The following CEP350 variants were observed in gnomAD, a reference collection of about 807,000 sequenced individuals.
CEP350 encodes centrosome-associated protein 350.
A neutral mutation model predicts 331.8 loss-of-function variants in CEP350; 126 were observed. The observed-to-expected ratio is 0.38, with a 90% CI of 0.33 to 0.44. CEP350 has a LOEUF of 0.44. Among genes scored for constraint, CEP350 ranks in the 20% least tolerant of loss-of-function variants. The pLI, the probability that CEP350 is intolerant of heterozygous loss-of-function variation, is 1.00. For synonymous variants in CEP350, 1,200 were observed against 1,259.5 expected, an observed-to-expected ratio of 0.95 and a Z score of 1.00; for missense variants, 3,406 against 3,634.6, an observed-to-expected ratio of 0.94 and a Z score of 1.62.
intron 14 of CEP350, among the ~76,000 whole-genome samples, chr1:180,028,634 T>A (rs1009363258): frequency 3.3e-5 from 5 of 151,914 alleles, no homozygotes; most frequent in African/African-American, 1.2e-4. Flanking sequence ...TGAAGCCCTG[T>A]CTTTAGAAAA....
intron 1 of CEP350, among the ~76,000 whole-genome samples, chr1:179,958,342 A>G (rs1174014499): frequency 1.3e-5 from 2 of 152,204 alleles, no homozygotes; most frequent in Non-Finnish European, 2.9e-5. Flanking sequence ...TTTATGTTAC[A>G]TAAATTTTAA....
intron 25 of CEP350, among the ~76,000 whole-genome samples, chr1:180,061,027 T>C (rs1658197860): frequency 6.6e-6 from 1 of 152,176 alleles, no homozygotes; most frequent in Non-Finnish European, 1.5e-5. Flanking sequence ...GGAGAAAATA[T>C]AACTGAATAT....
chr1:180,015,137 CAA>C lies in CEP350; in HGVS notation c.2052+633_2052+634del, dbSNP rs200898591. On this transcript the variant is annotated intron_variant, in intron 10 of 37. Transcript: ENST00000367607. Reference sequence around the variant, plus strand: ...AGAGGAAGAGTTGGTGTTGCTGTCTCAAGGGTGGCAGAGGCAAAAAGGTAGAG... The same window carrying C: ...AGAGGAAGAGTTGGTGTTGCTGTCTCGGGTGGCAGAGGCAAAAAGGTAGAG... 8.0e-3 allele frequency among the ~76,000 whole-genome samples: 1,220 copies of C among 152,110 alleles called. 52 individuals carry two copies. Among genetic ancestry groups the C allele is most frequent in the Admixed American group, 0.056 (848 of 15,274 alleles).
intron 1 of CEP350, among the ~76,000 whole-genome samples, chr1:179,961,083 G>C (rs1650572149): frequency 6.6e-6 from 1 of 152,020 alleles, no homozygotes; most frequent in African/African-American, 2.4e-5. Flanking sequence ...AAAAAGAATA[G>C]ATGTGTGTTA....
chr1:179,959,406 A>ACTGCCACTG (rs1650419706), intron 1 of CEP350, among the ~76,000 whole-genome samples: 1 of 152,158 alleles, frequency 6.6e-6, no homozygotes, highest in Non-Finnish European at 1.5e-5. Flanking sequence ...GTGAGCCAAG[A>ACTGCCACTG]CTGCCACTGC....
At chr1:179,988,315 T>A (rs555501749) in intron 3 of CEP350, among the ~76,000 whole-genome samples, 42 of 149,722 alleles carry the variant, frequency 2.8e-4, no homozygotes, top group Non-Finnish European at 4.9e-4. Flanking sequence ...AAAAAAAAAA[T>A]TTAAAACAGA....
At chr1:180,097,193 A>G (rs1424055988) in intron 36 of CEP350, among the ~76,000 whole-genome samples, 2 of 152,240 alleles carry the variant, frequency 1.3e-5, no homozygotes, top group Non-Finnish European at 2.9e-5. Flanking sequence ...TGTTTTTATA[A>G]ATAAAGTTTT....
intron 1 of CEP350, among the ~76,000 whole-genome samples, chr1:179,979,790 T>C (rs1652143336): frequency 6.6e-6 from 1 of 152,160 alleles, no homozygotes; most frequent in African/African-American, 2.4e-5. Context: ...CCCAGCACTA[T>C]TTATTGAAGA....
In CEP350 at chr1:180,075,124, T is replaced by C; in HGVS notation, c.5670T>C (p.Arg1890=). The C allele has an allele frequency of 3.7e-6, 6 of 1,613,554 alleles. No individual in the cohort carries two copies. The highest frequency in any genetic ancestry group is 5.1e-6 in the Non-Finnish European group (6 of 1,179,740). ...TAGATGCAGAAGAAGCAGAAATTCGTCAAATGGAAAAACAAGCTTTGGCTG... is the reference window on the plus strand; with the variant it reads ...TAGATGCAGAAGAAGCAGAAATTCGCCAAATGGAAAAACAAGCTTTGGCTG... ...RRLDAEEAEI[R]QMEKQALAAW... The change falls in exon 28 of 38, where the codon CGT becomes CGC. Residue 1890 remains arginine (R), a synonymous_variant. Transcript: ENST00000367607.
At chr1:179,993,966 G>T (rs1455655864) in intron 5 of CEP350, among the ~76,000 whole-genome samples, 1 of 152,106 alleles carries the variant, frequency 6.6e-6, no homozygotes, top group Non-Finnish European at 1.5e-5. Context: ...AACATTTTCA[G>T]GTTGCATTAT....
chr1:179,957,859 C>T (rs1399840229), intron 1 of CEP350, among the ~76,000 whole-genome samples: 3 of 152,178 alleles, frequency 2.0e-5, no homozygotes, highest in Non-Finnish European at 4.4e-5. Context: ...AGACCCTAAC[C>T]TGTTATACTA....
intron 1 of CEP350, among the ~76,000 whole-genome samples, chr1:179,956,039 T>C (rs546859699): frequency 6.6e-6 from 1 of 152,186 alleles, no homozygotes; most frequent in South Asian, 2.1e-4. Context: ...GTAGAAACAA[T>C]GATAAAATAC....
At chr1:180,035,022 G>A (rs1656258415) in intron 16 of CEP350, among the ~76,000 whole-genome samples, 1 of 152,172 alleles carries the variant, frequency 6.6e-6, no homozygotes, top group African/African-American at 2.4e-5. Context: ...GTTTTTGAAG[G>A]AAATGAAAGG....
intron 1 of CEP350, among the ~76,000 whole-genome samples, chr1:179,985,736 TATC>T (rs1652600811): frequency 6.8e-6 from 1 of 146,344 alleles, no homozygotes; most frequent in Non-Finnish European, 1.5e-5. Context: ...ACTCACTTAT[TATC>T]ATGAGAACAG....
intron 11 of CEP350, among the ~76,000 whole-genome samples, chr1:180,016,941 G>A (rs887727602): frequency 7.9e-5 from 12 of 151,932 alleles, no homozygotes; most frequent in African/African-American, 2.9e-4. Flanking sequence ...GGGATTACAG[G>A]CATGAGCCAC....
chr1:179,956,922 G>A (rs1314003006), intron 1 of CEP350, among the ~76,000 whole-genome samples: 1 of 151,902 alleles, frequency 6.6e-6, no homozygotes, highest in Non-Finnish European at 1.5e-5. Context: ...GGCATTTGGT[G>A]TTATTTTAAA....
intron 13 of CEP350, among the ~76,000 whole-genome samples, chr1:180,023,106 G>A (rs1655438839): frequency 6.6e-6 from 1 of 151,980 alleles, no homozygotes; most frequent in Non-Finnish European, 1.5e-5. Context: ...CTGTAAAATG[G>A]GGACATTAAT....
At chr1:179,991,663 A>G (rs1198525216) in intron 4 of CEP350, among the ~76,000 whole-genome samples, 114 of 64,406 alleles carry the variant, frequency 1.8e-3, no homozygotes, top group African/African-American at 4.7e-3. Flanking sequence ...ATGTATATAT[A>G]TATATGTGTG....
chr1:180,056,290 G>A (rs1413096536), intron 25 of CEP350, among the ~76,000 whole-genome samples: 1 of 151,898 alleles, frequency 6.6e-6, no homozygotes, highest in Non-Finnish European at 1.5e-5. Flanking sequence ...TTCTTTTGAA[G>A]GTTCCTCTTA....
Sources: allele counts gnomAD v4.1 joint callset (sites outside exome capture counted in the v4.1 genomes callset), GRCh38; gene constraint gnomAD v4.1.1; transcripts MANE v1.5; gene names NCBI Gene and HGNC (gene_info 2026-07-23, HGNC 2026-07-21).